TBC1D8: variants seen among roughly 807,000 people sequenced by gnomAD.
The protein encoded by TBC1D8 is BUB2-like protein 1.
In TBC1D8, 65 loss-of-function variants were observed where a neutral mutation model predicts 118.8. The ratio of observed to expected loss-of-function variants is 0.55; its 90% CI spans 0.45 to 0.67. The LOEUF is 0.67. Among genes scored for constraint, TBC1D8 ranks in the 30% least tolerant of loss-of-function variants. TBC1D8 has a pLI of 0.00. For synonymous variants in TBC1D8, 566 were observed against 595.8 expected, an observed-to-expected ratio of 0.95 and a Z score of 0.73; for missense variants, 1,376 against 1,471.2, an observed-to-expected ratio of 0.94 and a Z score of 1.06.
At chr2:101,019,913 A>T (rs2105373977) in intron 17 of TBC1D8, among the ~76,000 whole-genome samples, 1 of 151,974 alleles carries the variant, frequency 6.6e-6, no homozygotes, top group East Asian at 1.9e-4. Context: ...CTAAAAAAAA[A>T]TACAAAAAAT....
intron 3 of TBC1D8, among the ~76,000 whole-genome samples, chr2:101,054,672 C>CTTTCTTTTTTTTTT (rs1682299045): frequency 3.9e-5 from 1 of 25,436 alleles, no homozygotes; most frequent in Non-Finnish European, 5.9e-5. Context: ...CTTTTCTTTT[C>CTTTCTTTTTTTTTT]TTTTTTTTTT....
chr2:101,146,402 A>G (rs1679318642), intron 1 of TBC1D8, among the ~76,000 whole-genome samples: 1 of 152,230 alleles, frequency 6.6e-6, no homozygotes, highest in Non-Finnish European at 1.5e-5. Flanking sequence ...TAAGGTAACC[A>G]TGTTGCAAAG....
chr2:101,104,128 A>G (rs1677047242), intron 1 of TBC1D8, among the ~76,000 whole-genome samples: 1 of 152,232 alleles, frequency 6.6e-6, no homozygotes, highest in Admixed American at 6.5e-5. Context: ...TGACAACAGT[A>G]AAAGGTATTT....
At chr2:101,113,889 T>C (rs940916124) in intron 1 of TBC1D8, among the ~76,000 whole-genome samples, 2 of 152,178 alleles carry the variant, frequency 1.3e-5, no homozygotes, top group African/African-American at 2.4e-5. Context: ...AAACAAATCT[T>C]GAAAAGGAAT....
chr2:101,012,959 G>A (rs1305822990), intron 17 of TBC1D8, among the ~76,000 whole-genome samples: 1 of 152,228 alleles, frequency 6.6e-6, no homozygotes, highest in Non-Finnish European at 1.5e-5. Context: ...TGCAAACCGT[G>A]AATGGTACCT....
chr2:101,054,667 CTTTTCTTTTT>C (rs1160281695), intron 3 of TBC1D8, among the ~76,000 whole-genome samples: 474 of 21,296 alleles, frequency 0.022, 14 homozygotes, highest in African/African-American at 0.077. Flanking sequence ...ATTTTCTTTT[CTTTTCTTTTT>C]TTTTTTTTTT....
chr2:101,019,590 C>G (rs1260794617), intron 17 of TBC1D8: 1 of 152,512 alleles, frequency 6.6e-6, no homozygotes, highest in African/African-American at 2.4e-5. Flanking sequence ...ATCTTAATTT[C>G]CACTGAACTT....
chr2:101,035,464 AG>A (rs1680949717), intron 9 of TBC1D8, among the ~76,000 whole-genome samples: 1 of 152,114 alleles, frequency 6.6e-6, no homozygotes, highest in South Asian at 2.1e-4. Flanking sequence ...GTGCAGTGAG[AG>A]GCCCCGGGGC....
At chr2:101,074,419 G>C (rs535347102) in intron 2 of TBC1D8, among the ~76,000 whole-genome samples, 1 of 152,318 alleles carries the variant, frequency 6.6e-6, no homozygotes, top group South Asian at 2.1e-4. Flanking sequence ...AAATATGACA[G>C]AGACACAAAG....
At position 101,151,173 on chromosome 2, in the gene TBC1D8, G is replaced by A. The variant is rs1163597736; in HGVS notation, c.81C>T (p.Ile27=). 7 of 1,242,216 alleles carry A rather than the reference G, an allele frequency of 5.6e-6. No individual in the cohort carries two copies. The highest frequency in any genetic ancestry group is 9.1e-5 in the East Asian group (2 of 22,002). 76.9% of individuals were successfully genotyped at this position (1,242,216 alleles called of 1,614,324 possible). A position where few individuals can be genotyped will look rare whatever the true frequency, so the allele number is the denominator to read the frequency against. ...WVTQKSSCYF[I]LQRRRGHGEG... The stretch of plus-strand genomic sequence containing the variant: ...CGCCGTGCCCGCGGCGCCGCTGCAG[G>A]ATGAAGTAGCAGCTGCTCTTCTGGG... Residue 27 remains isoleucine (I), a synonymous_variant, in exon 1 of 20, where the codon ATC becomes ATT. Transcript: ENST00000409318.
chr2:101,073,410 TCAGC>T (rs1674604204), intron 2 of TBC1D8, among the ~76,000 whole-genome samples: 2 of 151,884 alleles, frequency 1.3e-5, no homozygotes, highest in African/African-American at 4.8e-5. Flanking sequence ...TTCTCCTGGC[TCAGC>T]CTCCCCAGTA....
At chr2:101,009,946 C>T (rs1315929078) in intron 19 of TBC1D8, among the ~76,000 whole-genome samples, 3 of 151,694 alleles carry the variant, frequency 2.0e-5, no homozygotes, top group South Asian at 2.1e-4. Flanking sequence ...CTCAGCCTCC[C>T]GAGTAGCTGG....
chr2:101,127,606 C>A (rs1331720357), intron 1 of TBC1D8, among the ~76,000 whole-genome samples: 1 of 152,148 alleles, frequency 6.6e-6, no homozygotes, highest in African/African-American at 2.4e-5. Context: ...AGAACAATCA[C>A]AGCTCACTAC....
In TBC1D8 at chr2:101,028,133, T is replaced by C. The variant is rs866837603; in HGVS notation, c.2366A>G (p.Gln789Arg). 1.2e-6 allele frequency: 2 copies of C among 1,613,906 alleles called. No individual in the cohort carries two copies. Among genetic ancestry groups the C allele is most frequent in the Non-Finnish European group, 8.5e-7 (1 of 1,179,882 alleles). ...TAGGTGCTCGATCTGCTCCACAGAC[T>C]GGTCTCCAAATTTCTGCAGGGAAAA... ...IRDSYEKFGDQSVEQIEHLRY... is the reference protein window; with the variant it reads ...IRDSYEKFGDRSVEQIEHLRY... Residue 789 changes from glutamine to arginine, a missense_variant, in exon 14 of 20, where the codon CAG becomes CGG. Coordinates refer to ENST00000409318, the MANE Select transcript of TBC1D8 (RefSeq NM_001330348.2).
In TBC1D8 at chr2:101,090,269, A is replaced by AAT. The variant is rs1275210084; in HGVS notation, c.221_222dup (p.Ser75IlefsTer4). 6.2e-7 allele frequency: 1 copy of AAT among 1,613,842 alleles called. No individual in the cohort carries two copies. Among genetic ancestry groups the AAT allele is most frequent in the Non-Finnish European group, 8.5e-7 (1 of 1,179,892 alleles). The stretch of plus-strand genomic sequence containing the variant: ...AGTAACTCACCACATGCTATGGGAG[A>AAT]ATAAACCTGGGAGCCGGGAACTTGA... On this transcript the variant is annotated frameshift_variant, in exon 2 of 20. Transcript: ENST00000409318. LOFTEE classifies it high-confidence loss of function.
At chr2:101,019,367 A>C (rs991847908) in intron 17 of TBC1D8, 23 of 204,126 alleles carry the variant, frequency 1.1e-4, no homozygotes, top group African/African-American at 5.3e-4. Context: ...CACCTTTAAA[A>C]AGTTTTTCAT....
At chr2:101,017,049 C>T (rs1254278939) in intron 17 of TBC1D8, among the ~76,000 whole-genome samples, 1 of 149,482 alleles carries the variant, frequency 6.7e-6, no homozygotes. Context: ...ACATTGTGCA[C>T]ATGTACCCTA....
chr2:101,096,627 A>T (rs1676464526), intron 1 of TBC1D8, among the ~76,000 whole-genome samples: 2 of 152,090 alleles, frequency 1.3e-5, no homozygotes, highest in Non-Finnish European at 2.9e-5. Flanking sequence ...GGAAACTCTG[A>T]GGAAGAATTA....
At chr2:101,008,772 T>C (rs548065994) in intron 19 of TBC1D8, among the ~76,000 whole-genome samples, 51 of 151,158 alleles carry the variant, frequency 3.4e-4, no homozygotes, top group African/African-American at 9.2e-4. Context: ...GATCACACCA[T>C]TGCACTCCAG....
Sources: allele counts gnomAD v4.1 joint callset (sites outside exome capture counted in the v4.1 genomes callset), GRCh38; gene constraint gnomAD v4.1.1; transcripts MANE v1.5; gene names NCBI Gene and HGNC (gene_info 2026-07-23, HGNC 2026-07-21).